CEP63: variants seen among roughly 807,000 people sequenced by gnomAD.
CEP63 encodes the protein centrosomal protein of 63 kDa.
Under a neutral mutation model 89.1 loss-of-function variants are expected in CEP63, and 84 were observed. The ratio of observed to expected loss-of-function variants is 0.94; its 90% CI spans 0.79 to 1.13. CEP63 has a LOEUF of 1.13. Among genes scored for constraint, CEP63 ranks in the 50% most tolerant of loss-of-function variants. The pLI is 0.00. For synonymous variants in CEP63, 267 were observed against 272.5 expected, an observed-to-expected ratio of 0.98 and a Z score of 0.20; for missense variants, 838 against 813.3, an observed-to-expected ratio of 1.03 and a Z score of -0.37.
chr3:134,657,829 T>G, the CEP63 span, among the ~76,000 whole-genome samples: 24 of 152,240 alleles, frequency 1.6e-4, no homozygotes, highest in Admixed American at 4.6e-4. Flanking sequence ...TCACAAGCAT[T>G]GAAAACTATT....
At chr3:134,605,435 G>A in the CEP63 span, among the ~76,000 whole-genome samples, 2 of 152,222 alleles carry the variant, frequency 1.3e-5, no homozygotes, top group South Asian at 4.1e-4. Context: ...CTCTTGGTAG[G>A]GGAGGCAGAA....
chr3:134,779,918 A>G, the CEP63 span: 1 of 152,240 alleles, frequency 6.6e-6, no homozygotes. Flanking sequence ...TATTGTTAGT[A>G]TCTTTATTAT....
chr3:134,728,005 A>C, the CEP63 span, among the ~76,000 whole-genome samples: 14 of 152,220 alleles, frequency 9.2e-5, no homozygotes, highest in East Asian at 2.7e-3. Flanking sequence ...TTAAAACTAT[A>C]AGGTATAGAA....
Position 134,554,268 on chromosome 3 carries a change from G to A in CEP63, c.1467+2256G>A, listed in dbSNP as rs539129243. On this transcript the variant is annotated intron_variant, in intron 12 of 14. Transcript: ENST00000675561. The stretch of plus-strand genomic sequence containing the variant: ...CCCACAACAGTCCCCAGAGTGTGAT[G>A]TTCCCCTTCCTGTGTCCATGTGATC... 3.6e-3 allele frequency among the ~76,000 whole-genome samples: 533 copies of A among 148,566 alleles called. 9 individuals carry two copies. Among genetic ancestry groups the A allele is most frequent in the African/African-American group, 0.013 (515 of 40,242 alleles).
downstream of CEP63, among the ~76,000 whole-genome samples, chr3:134,579,358 C>T (rs1958291866): frequency 6.6e-6 from 1 of 152,144 alleles, no homozygotes; most frequent in Admixed American, 6.5e-5. Context: ...TTAAAAATAC[C>T]AAGCTGTTTT....
At chr3:134,713,123 G>C in the CEP63 span, among the ~76,000 whole-genome samples, 1 of 152,206 alleles carries the variant, frequency 6.6e-6, no homozygotes, top group Non-Finnish European at 1.5e-5. Context: ...CTTTTGGGCA[G>C]CATACTAGGA....
intron 11 of CEP63, among the ~76,000 whole-genome samples, chr3:134,573,072 C>T (rs897802185): frequency 2.0e-5 from 3 of 152,104 alleles, no homozygotes; most frequent in African/African-American, 7.2e-5. Context: ...TGAGAAGTGT[C>T]TGTTCATCTC....
At chr3:134,620,746 T>C in the CEP63 span, 1 of 1,609,908 alleles carries the variant, frequency 6.2e-7, no homozygotes, top group Non-Finnish European at 8.5e-7. Context: ...CAGGGGGGCC[T>C]ACCTATGTGA....
At chr3:134,547,547 T>C in intron 9 of CEP63, 75 bp downstream of exon 9, 1 of 1,182,976 alleles carries the variant, frequency 8.5e-7, no homozygotes, top group Non-Finnish European at 1.2e-6. Flanking sequence ...TGTAAATGAA[T>C]GTAATAGTCA....
chr3:134,494,810 G>T (rs1227855945), intron 1 of CEP63, among the ~76,000 whole-genome samples: 1 of 152,188 alleles, frequency 6.6e-6, no homozygotes, highest in East Asian at 1.9e-4. Context: ...AGCTCTATGA[G>T]CCTGTCTTCA....
the CEP63 span, among the ~76,000 whole-genome samples, chr3:134,652,462 A>G: frequency 1.7e-5 from 1 of 57,400 alleles, no homozygotes; most frequent in Admixed American, 1.7e-4. Context: ...CCACCACCCC[A>G]CCCCCTGACT....
chr3:134,727,960 A>T, the CEP63 span, among the ~76,000 whole-genome samples: 1 of 152,224 alleles, frequency 6.6e-6, no homozygotes, highest in Non-Finnish European at 1.5e-5. Context: ...TAGGTAACTT[A>T]TATAAAGTGA....
intron 2 of CEP63, among the ~76,000 whole-genome samples, chr3:134,502,513 A>G (rs924366025): frequency 3.3e-5 from 5 of 152,156 alleles, no homozygotes; most frequent in Non-Finnish European, 7.4e-5. Flanking sequence ...TTATTAATCT[A>G]TCGAGGATTT....
At chr3:134,663,772 C>G in the CEP63 span, among the ~76,000 whole-genome samples, 1 of 152,240 alleles carries the variant, frequency 6.6e-6, no homozygotes, top group Non-Finnish European at 1.5e-5. Context: ...GTTACCTCAG[C>G]TGTCCTTCCT....
At chr3:134,578,849 T>C (rs952952751), downstream of CEP63, among the ~76,000 whole-genome samples, 3 of 152,150 alleles carry the variant, frequency 2.0e-5, no homozygotes, top group Non-Finnish European at 2.9e-5. Flanking sequence ...TTTTCTCACA[T>C]TCTGCAGGTT....
At chr3:134,506,303 T>C (rs897627803) in intron 2 of CEP63, among the ~76,000 whole-genome samples, 4 of 152,236 alleles carry the variant, frequency 2.6e-5, no homozygotes, top group African/African-American at 9.6e-5. Flanking sequence ...CAGAAATAGT[T>C]GAAATAAATC....
the CEP63 span, among the ~76,000 whole-genome samples, chr3:134,680,490 C>A: frequency 3.8e-3 from 579 of 152,296 alleles, 3 homozygotes; most frequent in Middle Eastern, 0.014. Flanking sequence ...CTGGGCCCAT[C>A]ACTCCCCGAG....
the CEP63 span, among the ~76,000 whole-genome samples, chr3:134,697,553 A>G: frequency 1.3e-5 from 2 of 152,192 alleles, no homozygotes; most frequent in Non-Finnish European, 2.9e-5. Flanking sequence ...TGGCATTCCT[A>G]TGAGACACAG....
chr3:134,727,704 T>C, the CEP63 span, among the ~76,000 whole-genome samples: 10 of 152,332 alleles, frequency 6.6e-5, no homozygotes, highest in East Asian at 1.9e-3. Context: ...TATTTATGGG[T>C]AAAATGCTAT....
Sources: allele counts gnomAD v4.1 joint callset (sites outside exome capture counted in the v4.1 genomes callset), GRCh38; gene constraint gnomAD v4.1.1; transcripts MANE v1.5; gene names NCBI Gene and HGNC (gene_info 2026-07-23, HGNC 2026-07-21).